NARS1: variants seen among roughly 807,000 people sequenced by gnomAD.
NARS1 encodes the protein asparagine--tRNA ligase, cytoplasmic.
In NARS1, 65 loss-of-function variants were observed where a neutral mutation model predicts 79.2. The ratio of observed to expected loss-of-function variants is 0.82; its 90% CI spans 0.67 to 1.01. The LOEUF (loss-of-function observed/expected upper bound fraction) is 1.01, where lower values mean the gene tolerates loss of function less well. NARS1 is among the 50% of genes least tolerant of loss of function. The pLI is 0.00. For missense variants in NARS1, 649 were observed against 673.8 expected (o/e 0.96, Z 0.41); for synonymous variants, 229 against 238.8 (o/e 0.96, Z 0.38).
intron 7 of NARS1, among the ~76,000 whole-genome samples, chr18:57,609,132 G>T (rs896952582): frequency 1.3e-5 from 2 of 152,158 alleles, no homozygotes; most frequent in Admixed American, 6.6e-5. Flanking sequence ...AGCCACTACT[G>T]GCTTCCTTGC....
At chr18:57,620,969 G>C (rs540860209) in intron 1 of NARS1, among the ~76,000 whole-genome samples, 50 of 152,308 alleles carry the variant, frequency 3.3e-4, no homozygotes, top group African/African-American at 1.2e-3. Context: ...GTTGGATTTT[G>C]TACCTTAAAA....
chr18:57,611,612 G>C, intron 6 of NARS1, 25 bp downstream of exon 6: 1 of 1,497,704 alleles, frequency 6.7e-7, no homozygotes, highest in Non-Finnish European at 9.1e-7. Context: ...CTAATTTTCA[G>C]GCATAAATAA....
intron 7 of NARS1, among the ~76,000 whole-genome samples, chr18:57,608,437 C>CAAAAA (rs1175712420): frequency 1.1e-3 from 88 of 77,994 alleles, no homozygotes; most frequent in Middle Eastern, 9.8e-3. Flanking sequence ...AACTCCGTCT[C>CAAAAA]AAAAAAAAAA....
chr18:57,617,064 G>A (rs1908075918), intron 2 of NARS1, among the ~76,000 whole-genome samples: 1 of 151,512 alleles, frequency 6.6e-6, no homozygotes, highest in African/African-American at 2.4e-5. Context: ...AAGCATTGCT[G>A]TGTTATATAT....
Position 57,616,167 on chromosome 18 carries a change from C to T in NARS1, c.94-192G>A, listed in dbSNP as rs917916079. 4 of 540,830 alleles carry T rather than the reference C, an allele frequency of 7.4e-6. No individual in the cohort carries two copies. The South Asian group carries it at 7.5e-5, about 10-fold the overall frequency. The allele number at this position is 540,830 out of a possible 1,614,324, so 33.5% of individuals were successfully genotyped here. ...GTTGGCTGGGCGCGGTGGCTCACGCCTGTAATCCCAGCACTTTGGAAGGCC... is the reference window on the plus strand; with the variant it reads ...GTTGGCTGGGCGCGGTGGCTCACGCTTGTAATCCCAGCACTTTGGAAGGCC... On this transcript the variant is annotated intron_variant, in intron 2 of 13. Coordinates refer to ENST00000256854, the MANE Select transcript of NARS1 (RefSeq NM_004539.4).
chr18:57,607,028 A>T (rs905143407), intron 9 of NARS1, 106 bp downstream of exon 9: 1 of 1,213,786 alleles, frequency 8.2e-7, no homozygotes, highest in Admixed American at 2.3e-5. Context: ...ACCACTTAAT[A>T]TATCAGTTGG....
intron 7 of NARS1, 77 bp from the exon 8 acceptor site, chr18:57,607,742 T>A: frequency 4.0e-6 from 5 of 1,241,282 alleles, no homozygotes; most frequent in Non-Finnish European, 5.5e-6. Flanking sequence ...GATTTTAATT[T>A]ATGTCAAAGT....
intron 4 of NARS1, among the ~76,000 whole-genome samples, chr18:57,615,215 A>G (rs1379278625): frequency 2.0e-5 from 3 of 151,638 alleles, no homozygotes; most frequent in Non-Finnish European, 4.4e-5. Context: ...AAATAAAAGG[A>G]AAGTAGGCCG....
rs1282484273 is a variant in NARS1 at position 57,615,962 on chromosome 18, A to G, written c.107T>C (p.Val36Ala). Residue 36 changes from valine to alanine, a missense_variant, in exon 3 of 14, where the codon GTA (valine) becomes GCA (alanine). By Grantham distance (64) the Val-to-Ala change is moderately conservative (BLOSUM62 0). Coordinates refer to ENST00000256854, the MANE Select transcript of NARS1 (RefSeq NM_004539.4). Reference sequence around the variant, plus strand: ...AATGGTAGGAAATGGTTCTTTCCCTACTGTCATCAAAGCCTTGGGTAGGGA... The same window carrying G: ...AATGGTAGGAAATGGTTCTTTCCCTGCTGTCATCAAAGCCTTGGGTAGGGA... Reference protein sequence around the residue: ...FKTGLKALMTVGKEPFPTIYV... With the variant: ...FKTGLKALMTAGKEPFPTIYV... The G allele has an allele frequency of 6.2e-7, 1 of 1,607,446 alleles. No individual in the cohort carries two copies. Among genetic ancestry groups the G allele is most frequent in the South Asian group, 1.1e-5 (1 of 89,644 alleles).
intron 2 of NARS1, among the ~76,000 whole-genome samples, chr18:57,616,178 G>C (rs748207791): frequency 6.6e-6 from 1 of 152,094 alleles, no homozygotes; most frequent in Non-Finnish European, 1.5e-5. Flanking sequence ...TGTAATCCCA[G>C]CACTTTGGAA....
chr18:57,610,632 A>G (rs1364919756), intron 6 of NARS1, among the ~76,000 whole-genome samples: 1 of 152,184 alleles, frequency 6.6e-6, no homozygotes, highest in Admixed American at 6.5e-5. Flanking sequence ...AGAACATGCT[A>G]AAGGACACCA....
intron 5 of NARS1, among the ~76,000 whole-genome samples, chr18:57,611,921 CCTGG>C (rs1454717456): frequency 6.6e-6 from 1 of 152,050 alleles, no homozygotes; most frequent in Non-Finnish European, 1.5e-5. Flanking sequence ...TGCCACCACA[CCTGG>C]CTAATTATTT....
At chr18:57,615,574 C>T in intron 4 of NARS1, 67 bp downstream of exon 4, 1 of 1,028,350 alleles carries the variant, frequency 9.7e-7, no homozygotes, top group South Asian at 1.4e-5. Context: ...TGACATGCCC[C>T]TCATACACAG....
chr18:57,602,936 G>A lies in NARS1; in HGVS notation c.1259C>T (p.Pro420Leu). Residue 420 changes from proline to leucine, a missense_variant, in exon 12 of 14, where the codon CCA (proline) becomes CTA (leucine). Coordinates refer to ENST00000256854, the MANE Select transcript of NARS1 (RefSeq NM_004539.4). ...GTFYEFGEDI[P>L]EAPERLMTDT... is the part of the protein sequence containing the mutation. ...TGTCATCAGTCTCTCAGGAGCTTCT[G>A]GGATATCCTGAGGTCAAACAAGACT... 3 of 1,613,768 alleles carry A rather than the reference G, an allele frequency of 1.9e-6. No individual in the cohort carries two copies. Among genetic ancestry groups the A allele is most frequent in the South Asian group, 1.1e-5 (1 of 91,004 alleles).
At chr18:57,613,471 C>A (rs925086065) in intron 5 of NARS1, 131 bp downstream of exon 5, 3 of 743,574 alleles carry the variant, frequency 4.0e-6, no homozygotes, top group Non-Finnish European at 6.5e-6. Context: ...CCAGCCTGGG[C>A]AACAAAGTGA....
At chr18:57,606,938 T>C in intron 9 of NARS1, 187 bp from the exon 10 acceptor site, 1 of 911,332 alleles carries the variant, frequency 1.1e-6, no homozygotes, top group Non-Finnish European at 1.6e-6. Context: ...CCTTTATATA[T>C]AAAAGATCAA....
chr18:57,615,254 G>A (rs1454183388), intron 4 of NARS1, among the ~76,000 whole-genome samples: 1 of 152,156 alleles, frequency 6.6e-6, no homozygotes, highest in East Asian at 1.9e-4. Flanking sequence ...TGTAATCCCA[G>A]CACTTTGGGA....
chr18:57,609,263 C>T, intron 7 of NARS1, 94 bp downstream of exon 7: 1 of 1,013,402 alleles, frequency 9.9e-7, no homozygotes. Flanking sequence ...CTGAAGAACC[C>T]TAATACATAT....
intron 2 of NARS1, among the ~76,000 whole-genome samples, chr18:57,618,217 A>G (rs1176664246): frequency 6.7e-6 from 1 of 149,896 alleles, no homozygotes; most frequent in East Asian, 2.0e-4. Context: ...TGAACCCAGA[A>G]GGCAGAGGTT....
Sources: gnomAD v4.1 joint callset for allele counts (sites outside exome capture counted in the v4.1 genomes callset) on GRCh38, gnomAD v4.1.1 for gene constraint, MANE v1.5 for transcripts, NCBI Gene and HGNC (gene_info 2026-07-23, HGNC 2026-07-21) for gene names.